Variants in RRM1 observed in about 807,000 individuals in gnomAD.
RRM1 encodes ribonucleotide reductase catalytic subunit M1, also known as ribonucleoside-diphosphate reductase large subunit.
In RRM1, 19 loss-of-function variants were observed where a neutral mutation model predicts 101.5. The observed-to-expected ratio is 0.19, with a 90% CI of 0.13 to 0.27. The LOEUF is 0.27. Ranked by LOEUF, RRM1 falls within the 10% of genes least tolerant of loss-of-function variation. RRM1 has a pLI of 1.00. For synonymous variants in RRM1, 298 were observed against 323.4 expected, an observed-to-expected ratio of 0.92 and a Z score of 0.84; for missense variants, 500 against 962.9, an observed-to-expected ratio of 0.52 and a Z score of 6.36.
At chr11:4,113,279 C>G (rs1057282703) in intron 7 of RRM1, among the ~76,000 whole-genome samples, 1 of 152,108 alleles carries the variant, frequency 6.6e-6, no homozygotes, top group African/African-American at 2.4e-5. Context: ...AAAATAACTT[C>G]CTTAATTTGG....
intron 4 of RRM1, among the ~76,000 whole-genome samples, chr11:4,108,697 G>C (rs367648907): frequency 4.1e-4 from 62 of 151,256 alleles, no homozygotes; most frequent in African/African-American, 1.5e-3. Context: ...TTTGTGTGTT[G>C]TTAATTTGTG....
intron 1 of RRM1, among the ~76,000 whole-genome samples, chr11:4,097,608 T>C (rs1393148897): frequency 1.3e-5 from 2 of 152,138 alleles, no homozygotes; most frequent in African/African-American, 4.8e-5. Context: ...TTAATTTTCT[T>C]TGAGATGGGG....
intron 2 of RRM1, among the ~76,000 whole-genome samples, chr11:4,103,314 G>A (rs1753251856): frequency 1.3e-5 from 2 of 152,126 alleles, no homozygotes; most frequent in African/African-American, 2.4e-5. Context: ...TTATATTGAG[G>A]ACTTAGGCAA....
intron 2 of RRM1, among the ~76,000 whole-genome samples, 173 bp downstream of exon 2, chr11:4,102,254 G>A (rs2094552623): frequency 6.6e-6 from 1 of 151,912 alleles, no homozygotes; most frequent in African/African-American, 2.4e-5. Flanking sequence ...TTTTGGTTCT[G>A]TCCTGTGAGT....
chr11:4,133,902 C>A (rs2284451), intron 17 of RRM1, among the ~76,000 whole-genome samples: 2 of 151,592 alleles, frequency 1.3e-5, no homozygotes, highest in South Asian at 2.1e-4. Context: ...TTAGAATCAA[C>A]TGGGGAGCTT....
intron 4 of RRM1, 110 bp from the exon 5 acceptor site, chr11:4,109,534 T>G: frequency 2.8e-6 from 2 of 709,996 alleles, no homozygotes; most frequent in Non-Finnish European, 4.7e-6. Flanking sequence ...TGTTATCTCA[T>G]TGTATCCTGT....
At chr11:4,119,070 G>A (rs927109553) in intron 8 of RRM1, 2 of 152,270 alleles carry the variant, frequency 1.3e-5, no homozygotes, top group African/African-American at 4.8e-5. Context: ...TTAAATCCTA[G>A]CTCCACTACT....
intron 13 of RRM1, 98 bp from the exon 14 acceptor site, chr11:4,126,937 T>C: frequency 7.0e-7 from 1 of 1,433,624 alleles, no homozygotes; most frequent in South Asian, 1.3e-5. Flanking sequence ...AATAAAATGG[T>C]TTGAGAAAAA....
chr11:4,106,467 A>G (rs917771486), intron 3 of RRM1, among the ~76,000 whole-genome samples: 1 of 152,014 alleles, frequency 6.6e-6, no homozygotes, highest in Non-Finnish European at 1.5e-5. Flanking sequence ...TATAAAATAG[A>G]CTAGGTGCAG....
intron 14 of RRM1, among the ~76,000 whole-genome samples, chr11:4,127,773 A>G (rs183114303): frequency 6.6e-6 from 1 of 152,360 alleles, no homozygotes; most frequent in Admixed American, 6.5e-5. Context: ...CTCTGTTTTA[A>G]TCTCTTATTT....
chr11:4,101,297 T>C (rs1228978903), intron 1 of RRM1, among the ~76,000 whole-genome samples: 3 of 151,220 alleles, frequency 2.0e-5, no homozygotes, highest in Non-Finnish European at 4.4e-5. Flanking sequence ...ACAGGACAAG[T>C]GGTATAGGAT....
chr11:4,132,154 A>T lies in RRM1; in HGVS notation c.1770-132A>T. On this transcript the variant is annotated intron_variant, in intron 15 of 18. Transcript: ENST00000300738. The surrounding 1 kb of genome is among the most constrained non-coding windows in gnomAD (Gnocchi z 4.1). Reference sequence around the variant, plus strand: ...AGTTTAATTTGAAAGTCAACGTGTGAGTTCAATGCATGTACGATGTTACAT... The same window carrying T: ...AGTTTAATTTGAAAGTCAACGTGTGTGTTCAATGCATGTACGATGTTACAT... 1 of 864,038 alleles carries T rather than the reference A, an allele frequency of 1.2e-6. No individual in the cohort carries two copies. Among genetic ancestry groups the T allele is most frequent in the Non-Finnish European group, 1.8e-6 (1 of 549,336 alleles). 53.5% of individuals were successfully genotyped at this position (864,038 alleles called of 1,614,324 possible). A position where few individuals can be genotyped will look rare whatever the true frequency, so the allele number is the denominator to read the frequency against.
chr11:4,113,590 G>C (rs60180851), intron 7 of RRM1, among the ~76,000 whole-genome samples: 1,747 of 152,238 alleles, frequency 0.011, 30 homozygotes, highest in African/African-American at 0.039. Context: ...ATTACTTAAC[G>C]ATGGGGATAT....
intron 15 of RRM1, among the ~76,000 whole-genome samples, chr11:4,130,112 A>C (rs2094597392): frequency 1.5e-5 from 1 of 67,082 alleles, no homozygotes; most frequent in Non-Finnish European, 2.9e-5. Flanking sequence ...TTTCCCCTCA[A>C]AATACTATGG....
In RRM1 at chr11:4,133,601, G is replaced by A. The variant is rs1372960922; in HGVS notation, c.1944G>A (p.Arg648=). The A allele has an allele frequency of 1.2e-6, 2 of 1,611,802 alleles. No homozygotes were observed. Among genetic ancestry groups the A allele is most frequent in the Admixed American group, 3.3e-5 (2 of 59,774 alleles). Residue 648 remains arginine, a synonymous_variant, in exon 17 of 19, where the codon CGG becomes CGA. Transcript: ENST00000300738. ...NPHLLKDLTE[R]GLWHEEMKNQ... is the part of the protein sequence containing the mutation. ...ACTTATTGAAAGATCTTACCGAGCG[G>A]GGCCTATGGCATGAAGAGATGAAAA... is the stretch of plus-strand genomic sequence containing the variant.
Position 4,129,276 on chromosome 11 carries a change from C to G in RRM1, c.1769+126C>G, listed in dbSNP as rs375463501. 197 of 539,380 alleles carry G rather than the reference C, an allele frequency of 3.7e-4. 2 individuals carry two copies. In the South Asian group the frequency reaches 5.6e-3, roughly 15 times the overall value. 33.4% of individuals were successfully genotyped at this position (539,380 alleles called of 1,614,324 possible). A position where few individuals can be genotyped will look rare whatever the true frequency, so the allele number is the denominator to read the frequency against. ...TTTATTACAAATGGGGCTAAAATGGCCTATCTCACAAAACTATTTTGGGAA... is the reference window on the plus strand; with the variant it reads ...TTTATTACAAATGGGGCTAAAATGGGCTATCTCACAAAACTATTTTGGGAA... On this transcript the variant is annotated intron_variant, in intron 15 of 18. Transcript: ENST00000300738.
intron 15 of RRM1, among the ~76,000 whole-genome samples, chr11:4,130,086 A>ATATATATATATATTTT (rs1202870487): frequency 1.1e-4 from 11 of 99,444 alleles, no homozygotes; most frequent in African/African-American, 5.9e-4. Flanking sequence ...ATATATATAT[A>ATATATATATATATTTT]TTTTTTTTTT....
At chr11:4,111,327 C>T (rs990800891) in intron 5 of RRM1, among the ~76,000 whole-genome samples, 9 of 151,028 alleles carry the variant, frequency 6.0e-5, no homozygotes, top group African/African-American at 2.2e-4. Context: ...AGGAGAATGG[C>T]ATGAACCCGG....
At chr11:4,126,919 TG>T in intron 13 of RRM1, 86 bp downstream of exon 13, 1 of 1,426,528 alleles carries the variant, frequency 7.0e-7, no homozygotes. Context: ...ATCATTTAAA[TG>T]GTTATCAATA....
Sources: allele counts gnomAD v4.1 joint callset (sites outside exome capture counted in the v4.1 genomes callset), GRCh38; gene constraint gnomAD v4.1.1; non-coding constraint Gnocchi (gnomAD v3.1); transcripts MANE v1.5; gene names NCBI Gene and HGNC (gene_info 2026-07-23, HGNC 2026-07-21).